The following CPEB3 variants were observed in gnomAD, a reference collection of about 807,000 sequenced individuals.
The protein encoded by CPEB3 is cytoplasmic polyadenylation element binding protein 3, also known as cytoplasmic polyadenylation element-binding protein 3.
CPEB3 carries 20 observed loss-of-function variants against 67.2 expected under a neutral mutation model. The observed-to-expected ratio is 0.30, with a 90% CI of 0.21 to 0.43. The LOEUF is 0.43. Among genes scored for constraint, CPEB3 ranks in the 20% least tolerant of loss-of-function variants. The pLI is 1.00. For missense variants in CPEB3, 746 were observed against 968.6 expected, an observed-to-expected ratio of 0.77 and a Z score of 3.05; for synonymous variants, 376 against 393.1, an observed-to-expected ratio of 0.96 and a Z score of 0.51.
intron 1 of CPEB3, among the ~76,000 whole-genome samples, chr10:92,289,732 A>AAAAAAAAAAAAAAAAAAAATAT: frequency 1.2e-4 from 9 of 75,768 alleles, no homozygotes; most frequent in Middle Eastern, 9.1e-3. Context: ...AAAAAAAAAA[A>AAAAAAAAAAAAAAAAAAAATAT]ATATATATAT....
In CPEB3 at chr10:92,195,725, G is replaced by A. The variant is rs189254258; in HGVS notation, c.1006-3089C>T. On this transcript the variant is annotated intron_variant, in intron 2 of 9. Coordinates refer to ENST00000265997, the MANE Select transcript of CPEB3 (RefSeq NM_014912.5). Reference sequence around the variant, plus strand: ...AGGCATTCAAGAATCTTTCCAGACAGGACAGTTTATTTTTTCATTTAATTA... The same window carrying A: ...AGGCATTCAAGAATCTTTCCAGACAAGACAGTTTATTTTTTCATTTAATTA... 3.1e-4 allele frequency among the ~76,000 whole-genome samples: 47 copies of A among 152,210 alleles called. 1 individual carries two copies. In the East Asian group the frequency reaches 8.9e-3, roughly 29 times the overall value.
chr10:92,147,447 C>A (rs1846740491), intron 4 of CPEB3, among the ~76,000 whole-genome samples: 1 of 151,840 alleles, frequency 6.6e-6, no homozygotes, highest in Admixed American at 6.6e-5. Flanking sequence ...CAGAGTGAGG[C>A]CCTGTCTCAA....
At chr10:92,283,773 C>A (rs2135099359) in intron 1 of CPEB3, among the ~76,000 whole-genome samples, 1 of 136,908 alleles carries the variant, frequency 7.3e-6, no homozygotes. Context: ...GTGGCCCAGG[C>A]TGGAGTGCAG....
At chr10:92,264,077 C>G (rs1852930405) in intron 1 of CPEB3, among the ~76,000 whole-genome samples, 1 of 152,036 alleles carries the variant, frequency 6.6e-6, no homozygotes, top group Non-Finnish European at 1.5e-5. Context: ...GCCTATAATC[C>G]CAGCACTTTG....
At chr10:92,113,910 A>G (rs1844873591) in intron 6 of CPEB3, among the ~76,000 whole-genome samples, 1 of 152,210 alleles carries the variant, frequency 6.6e-6, no homozygotes, top group Admixed American at 6.5e-5. Context: ...ATCAAGAGAA[A>G]TATCTATAAA....
intron 1 of CPEB3, among the ~76,000 whole-genome samples, chr10:92,276,426 C>T (rs1841991857): frequency 6.6e-6 from 1 of 151,874 alleles, no homozygotes; most frequent in Admixed American, 6.6e-5. Context: ...TTACAGGCAC[C>T]TGCCACCATG....
chr10:92,288,981 C>T (rs1204276571), intron 1 of CPEB3, among the ~76,000 whole-genome samples: 1 of 152,194 alleles, frequency 6.6e-6, no homozygotes, highest in Admixed American at 6.5e-5. Context: ...CACGGTGGCT[C>T]ACATCTATGA....
intron 2 of CPEB3, among the ~76,000 whole-genome samples, chr10:92,199,167 G>A (rs187441783): frequency 0.015 from 2,262 of 150,460 alleles, 56 homozygotes; most frequent in African/African-American, 0.051. Flanking sequence ...TGAGGCAGGC[G>A]GATCACCTGA....
chr10:92,251,617 T>C lies in CPEB3; in HGVS notation c.-11-11256A>G, dbSNP rs1419101483. ...GGTATTCGAGTCAACTGAATATCCA[T>C]ATGGCAAAAAAGAGACCTTTATACT... On this transcript the variant is annotated intron_variant, in intron 1 of 9. Transcript: ENST00000265997. 3.3e-5 allele frequency among the ~76,000 whole-genome samples: 5 copies of C among 152,182 alleles called. No homozygotes were observed. The East Asian group carries it at 9.6e-4, about 29-fold the overall frequency.
intron 4 of CPEB3, among the ~76,000 whole-genome samples, chr10:92,157,072 G>C (rs1319459705): frequency 6.6e-6 from 1 of 152,194 alleles, no homozygotes; most frequent in East Asian, 1.9e-4. Flanking sequence ...TTGTGATCTT[G>C]ACTCTGGCTT....
rs375475473 is a variant in CPEB3 at position 92,224,418 on chromosome 10, A to C, written c.1005+14928T>G. Among the ~76,000 whole-genome samples, 40 of 152,318 alleles carry C rather than the reference A, an allele frequency of 2.6e-4. No individual in the cohort carries two copies. In the East Asian group the frequency reaches 3.3e-3, roughly 12 times the overall value. On this transcript the variant is annotated intron_variant, in intron 2 of 9. Transcript: ENST00000265997. ...CACTTGAGAAAGCTGAAGACACAGA[A>C]TGCTAGAATACTCTTGGTGATCTGG...
intron 1 of CPEB3, among the ~76,000 whole-genome samples, chr10:92,253,973 A>C (rs926499560): frequency 6.6e-6 from 1 of 152,154 alleles, no homozygotes; most frequent in Non-Finnish European, 1.5e-5. Context: ...TCATGCCTGT[A>C]ATCCCAGAAC....
intron 2 of CPEB3, among the ~76,000 whole-genome samples, chr10:92,200,245 A>G (rs1266722854): frequency 6.6e-6 from 1 of 152,134 alleles, no homozygotes; most frequent in African/African-American, 2.4e-5. Flanking sequence ...ATAGCCCAGT[A>G]TAAGATTAGG....
chr10:92,288,170 A>G (rs1303205755), intron 1 of CPEB3, among the ~76,000 whole-genome samples: 1 of 152,204 alleles, frequency 6.6e-6, no homozygotes, highest in East Asian at 1.9e-4. Flanking sequence ...ATCAAGAATA[A>G]TGCTGTAGGC....
intron 1 of CPEB3, among the ~76,000 whole-genome samples, chr10:92,253,763 C>T (rs1456610975): frequency 6.6e-6 from 1 of 151,546 alleles, no homozygotes; most frequent in African/African-American, 2.4e-5. Context: ...TTAAAGTTTA[C>T]AAAACACACA....
rs1841913230 is a variant in CPEB3 at position 92,052,070 on chromosome 10, T to TAATAATAAA, written c.*133_*141dup. On this transcript the variant is annotated 3_prime_UTR_variant, in exon 10 of 10. Transcript: ENST00000265997. ...GTAATATGACTGTAAATAATAATAA[T>TAATAATAAA]AATAATAAAAAGACCCAATTCTTCT... is the stretch of plus-strand genomic sequence containing the variant. The TAATAATAAA allele has an allele frequency of 3.3e-6, 2 of 598,728 alleles. No individual in the cohort carries two copies. The highest frequency in any genetic ancestry group is 5.9e-6 in the Non-Finnish European group (2 of 336,408). 37.1% of individuals were successfully genotyped at this position (598,728 alleles called of 1,614,324 possible).
At chr10:92,214,867 G>A (rs1456499011) in intron 2 of CPEB3, among the ~76,000 whole-genome samples, 1 of 148,094 alleles carries the variant, frequency 6.8e-6, no homozygotes, top group Non-Finnish European at 1.5e-5. Context: ...TCTTTTTTTT[G>A]AGACAGAGTC....
intron 7 of CPEB3, among the ~76,000 whole-genome samples, chr10:92,098,466 C>T (rs1270328917): frequency 1.3e-5 from 2 of 151,832 alleles, no homozygotes; most frequent in African/African-American, 2.4e-5. Context: ...TGCACCACCA[C>T]GCCTGGCTAA....
chr10:92,160,418 C>T (rs1847416066), intron 4 of CPEB3, among the ~76,000 whole-genome samples: 1 of 152,102 alleles, frequency 6.6e-6, no homozygotes, highest in Non-Finnish European at 1.5e-5. Flanking sequence ...CTTGATCCCT[C>T]CCCCAAATTT....
Sources: gnomAD v4.1 joint callset for allele counts (sites outside exome capture counted in the v4.1 genomes callset) on GRCh38, gnomAD v4.1.1 for gene constraint, MANE v1.5 for transcripts, NCBI Gene and HGNC (gene_info 2026-07-23, HGNC 2026-07-21) for gene names.